TMEM232: variants seen among roughly 807,000 people sequenced by gnomAD.
TMEM232 encodes the protein transmembrane protein 232.
TMEM232 carries 80 observed loss-of-function variants against 78.8 expected under a neutral mutation model. The ratio of observed to expected loss-of-function variants is 1.01; its 90% confidence interval spans 0.85 to 1.22. The LOEUF (loss-of-function observed/expected upper bound fraction) is 1.22, where lower values mean the gene tolerates loss of function less well. Ranked by LOEUF, TMEM232 falls within the 50% of genes most tolerant of loss-of-function variation. The pLI, the probability that TMEM232 is intolerant of heterozygous loss-of-function variation, is 0.00. For missense variants in TMEM232, 881 were observed against 742.2 expected, an observed-to-expected ratio of 1.19 and a Z score of -2.17; for synonymous variants, 297 against 254.3, an observed-to-expected ratio of 1.17 and a Z score of -1.60.
intron 1 of TMEM232, among the ~76,000 whole-genome samples, chr5:110,687,368 A>T (rs1335438407): frequency 6.6e-6 from 1 of 152,046 alleles, no homozygotes; most frequent in African/African-American, 2.4e-5. Flanking sequence ...GCAGTCCTCA[A>T]ATCTGACCCA....
At chr5:110,679,372 G>C (rs116498039) in intron 1 of TMEM232, among the ~76,000 whole-genome samples, 1,785 of 152,118 alleles carry the variant, frequency 0.012, 46 homozygotes, top group African/African-American at 0.04. Flanking sequence ...TAATCATGTT[G>C]CTTGTTTTTT....
chr5:110,688,520 G>A (rs1793706875), intron 1 of TMEM232, among the ~76,000 whole-genome samples: 1 of 152,124 alleles, frequency 6.6e-6, no homozygotes, highest in Non-Finnish European at 1.5e-5. Flanking sequence ...AAATGGCTGG[G>A]CCTTGTGCCT....
In TMEM232 at chr5:110,463,271, AC is replaced by A. The variant is rs1414965113; in HGVS notation, c.1704-38356del. On this transcript the variant is annotated intron_variant, in intron 12 of 13. Transcript: ENST00000455884. Reference sequence around the variant, plus strand: ...CCAGCAAAAAGAAAGACGGTGACTCACTGAAAGCTCAGATGATTGTTAGCAT... The same window carrying A: ...CCAGCAAAAAGAAAGACGGTGACTCATGAAAGCTCAGATGATTGTTAGCAT... Among the ~76,000 whole-genome samples, 28 of 152,240 alleles carry A rather than the reference AC, an allele frequency of 1.8e-4. 1 individual carries two copies. Among genetic ancestry groups the A allele is most frequent in the Admixed American group, 5.9e-4 (9 of 15,278 alleles).
intron 10 of TMEM232, among the ~76,000 whole-genome samples, chr5:110,594,907 A>T (rs770170985): frequency 9.2e-5 from 14 of 152,236 alleles, no homozygotes; most frequent in Non-Finnish European, 1.9e-4. Flanking sequence ...CTCTCAGCAC[A>T]GTGCTTAAGC....
intron 2 of TMEM232, among the ~76,000 whole-genome samples, chr5:110,403,848 G>A (rs1456830521): frequency 1.3e-5 from 2 of 152,098 alleles, no homozygotes; most frequent in East Asian, 3.9e-4. Context: ...GGGGAGCAAT[G>A]TGAGGAGTGA....
chr5:110,729,934 C>T (rs994108681), upstream of TMEM232, among the ~76,000 whole-genome samples: 16 of 152,198 alleles, frequency 1.1e-4, no homozygotes, highest in Non-Finnish European at 4.4e-5. Flanking sequence ...AGCCTTCCAA[C>T]GCAATGACTG....
chr5:110,717,312 C>G (rs1797113186), intron 1 of TMEM232, among the ~76,000 whole-genome samples: 1 of 151,944 alleles, frequency 6.6e-6, no homozygotes, highest in Admixed American at 6.6e-5. Flanking sequence ...AACAGAGGTC[C>G]AAGAATCCAA....
chr5:110,640,717 T>C (rs1786558316), intron 4 of TMEM232, among the ~76,000 whole-genome samples, 174 bp downstream of exon 4: 3 of 152,148 alleles, frequency 2.0e-5, no homozygotes, highest in Admixed American at 2.0e-4. Flanking sequence ...AAAGCTTAGT[T>C]AAAATCATAA....
chr5:110,643,484 T>G (rs1787036940), intron 2 of TMEM232, among the ~76,000 whole-genome samples: 1 of 151,932 alleles, frequency 6.6e-6, no homozygotes, highest in Non-Finnish European at 1.5e-5. Flanking sequence ...AAGTTGAAAG[T>G]GTATGCAAGA....
At chr5:110,407,558 A>G (rs1364954900) in intron 2 of TMEM232, among the ~76,000 whole-genome samples, 3 of 152,192 alleles carry the variant, frequency 2.0e-5, no homozygotes, top group Non-Finnish European at 4.4e-5. Flanking sequence ...AAACGGGGAG[A>G]TAGACTGCAA....
At chr5:110,416,322 T>C (rs1756209316), downstream of TMEM232, among the ~76,000 whole-genome samples, 1 of 152,232 alleles carries the variant, frequency 6.6e-6, no homozygotes, top group Non-Finnish European at 1.5e-5. Flanking sequence ...TTCATGACTC[T>C]ACCTTCCTTT....
At chr5:110,543,063 C>T (rs1197549947) in intron 11 of TMEM232, among the ~76,000 whole-genome samples, 6 of 152,090 alleles carry the variant, frequency 3.9e-5, no homozygotes, top group Non-Finnish European at 7.4e-5. Flanking sequence ...TTCATTCCTT[C>T]CTTGTTTTGT....
chr5:110,675,830 G>T (rs1791959639), intron 1 of TMEM232, among the ~76,000 whole-genome samples: 2 of 152,124 alleles, frequency 1.3e-5, no homozygotes, highest in African/African-American at 4.8e-5. Flanking sequence ...TTTCAAGTAT[G>T]TATTAACTAT....
At chr5:110,540,539 C>A (rs886140869) in intron 11 of TMEM232, among the ~76,000 whole-genome samples, 1 of 152,182 alleles carries the variant, frequency 6.6e-6, no homozygotes, top group South Asian at 2.1e-4. Flanking sequence ...GGTCATTGCA[C>A]ATACATTCAT....
chr5:110,692,586 C>T (rs1237458741), intron 1 of TMEM232, among the ~76,000 whole-genome samples: 1 of 152,176 alleles, frequency 6.6e-6, no homozygotes, highest in Non-Finnish European at 1.5e-5. Context: ...CATGGAATAT[C>T]GGGTCACTCC....
At chr5:110,735,713 G>A (rs1483339380) in intron 1 of TMEM232, among the ~76,000 whole-genome samples, 2 of 152,136 alleles carry the variant, frequency 1.3e-5, no homozygotes, top group African/African-American at 4.8e-5. Flanking sequence ...ACGACATTGT[G>A]TTTCCCCCTT....
At chr5:110,543,743 C>T (rs1773446706) in intron 11 of TMEM232, among the ~76,000 whole-genome samples, 7 of 152,144 alleles carry the variant, frequency 4.6e-5, no homozygotes, top group Admixed American at 4.6e-4. Flanking sequence ...CTGGCCTTCG[C>T]AGCAACTCCC....
At chr5:110,661,936 T>A (rs1789859947) in intron 2 of TMEM232, among the ~76,000 whole-genome samples, 1 of 152,150 alleles carries the variant, frequency 6.6e-6, no homozygotes, top group African/African-American at 2.4e-5. Flanking sequence ...TGGCCATTTG[T>A]ATGTCTTTTT....
intron 1 of TMEM232, among the ~76,000 whole-genome samples, chr5:110,722,838 G>C (rs1249781900): frequency 6.6e-6 from 1 of 152,188 alleles, no homozygotes; most frequent in Admixed American, 6.6e-5. Context: ...TATGTTAGTG[G>C]AAGTGAACAA....
Sources: allele counts gnomAD v4.1 joint callset (sites outside exome capture counted in the v4.1 genomes callset), GRCh38; gene constraint gnomAD v4.1.1; transcripts MANE v1.5; gene names NCBI Gene and HGNC (gene_info 2026-07-23, HGNC 2026-07-21).